The following DNAJB6 variants were observed in gnomAD, a reference collection of about 807,000 sequenced individuals.
DNAJB6 encodes DnaJ heat shock protein family (Hsp40) member B6, also known as dnaJ homolog subfamily B member 6.
In DNAJB6, 16 loss-of-function variants were observed where a neutral mutation model predicts 42.7. That is an observed-to-expected ratio of 0.37 (90% CI 0.25 to 0.57). The LOEUF is 0.57. Ranked by LOEUF, DNAJB6 falls within the 20% of genes least tolerant of loss-of-function variation. The probability of loss-of-function intolerance (pLI) is 0.74; values close to 1 mark genes in which losing one functional copy is unlikely to be tolerated. For missense variants in DNAJB6, 347 were observed against 416.8 expected (o/e 0.83, Z 1.46); for synonymous variants, 170 against 163.5 (o/e 1.04, Z -0.30).
intron 8 of DNAJB6, among the ~76,000 whole-genome samples, chr7:157,401,014 AC>A (rs1466837550): frequency 1.3e-5 from 2 of 152,036 alleles, no homozygotes; most frequent in Non-Finnish European, 2.9e-5. Flanking sequence ...AGAGGGACTT[AC>A]CCGCTGTGGT....
chr7:157,369,964 G>GA (rs200554376), intron 5 of DNAJB6, among the ~76,000 whole-genome samples: 2 of 145,840 alleles, frequency 1.4e-5, no homozygotes, highest in African/African-American at 5.3e-5. Flanking sequence ...TATTAAACGG[G>GA]CCCTTTCTTA....
intron 8 of DNAJB6, among the ~76,000 whole-genome samples, chr7:157,401,042 C>T (rs1801835583): frequency 6.6e-6 from 1 of 152,060 alleles, no homozygotes; most frequent in South Asian, 2.1e-4. Context: ...TTTGCCGAAG[C>T]CCCGGGTTTT....
intron 3 of DNAJB6, among the ~76,000 whole-genome samples, chr7:157,365,626 G>A (rs866248332): frequency 1.5e-4 from 23 of 152,142 alleles, no homozygotes; most frequent in Non-Finnish European, 2.5e-4. Flanking sequence ...TGGGCTCTGT[G>A]CAGTAGAGTG....
intron 1 of DNAJB6, 69 bp downstream of exon 1, chr7:157,337,213 C>T (rs1019048184): frequency 3.3e-5 from 5 of 152,402 alleles, no homozygotes; most frequent in African/African-American, 1.2e-4. Context: ...GACGGCGGAC[C>T]TCACCCGGCG....
At position 157,387,742 on chromosome 7, in the gene DNAJB6, T is replaced by C. The variant is rs557834939; in HGVS notation, c.691+2131T>C. On this transcript the variant is annotated intron_variant, in intron 8 of 9. Coordinates refer to ENST00000262177, the MANE Select transcript of DNAJB6 (RefSeq NM_058246.4). ...AGTTTACTCAACATGGTGTTACAGG[T>C]AAAATATGTTTGACTCCTAAGGAAT... Among the ~76,000 whole-genome samples the C allele has an allele frequency of 2.0e-5, 3 of 152,352 alleles. No homozygotes were observed. In the South Asian group the frequency reaches 6.2e-4, roughly 32 times the overall value.
At chr7:157,360,432 C>A (rs1214141256) in intron 2 of DNAJB6, among the ~76,000 whole-genome samples, 1 of 152,152 alleles carries the variant, frequency 6.6e-6, no homozygotes, top group East Asian at 1.9e-4. Context: ...ATAGCCAGCC[C>A]TTATCAATGG....
chr7:157,344,291 A>G (rs1798569796), intron 1 of DNAJB6, among the ~76,000 whole-genome samples: 1 of 152,090 alleles, frequency 6.6e-6, no homozygotes, highest in Non-Finnish European at 1.5e-5. Context: ...CAGTGAGCCG[A>G]GATCCCTCTA....
intron 8 of DNAJB6, among the ~76,000 whole-genome samples, chr7:157,400,149 GTTTC>G (rs1402679007): frequency 3.9e-5 from 6 of 152,200 alleles, no homozygotes; most frequent in Non-Finnish European, 8.8e-5. Flanking sequence ...CCTTTTTTCG[GTTTC>G]TTTGTGAGCT....
At chr7:157,404,659 C>T (rs6974402) in intron 8 of DNAJB6, among the ~76,000 whole-genome samples, 96,449 of 151,726 alleles carry the variant, frequency 0.64, 33,314 homozygotes, top group East Asian at 0.99. Flanking sequence ...TACAGGCACA[C>T]GCCACCACAC....
intron 1 of DNAJB6, among the ~76,000 whole-genome samples, chr7:157,344,253 A>G (rs1307966395): frequency 1.3e-5 from 2 of 152,116 alleles, no homozygotes; most frequent in Non-Finnish European, 1.5e-5. Context: ...AGGCAGGAGA[A>G]TGGCGTGAAC....
intron 8 of DNAJB6, among the ~76,000 whole-genome samples, chr7:157,392,099 C>CA (rs57861175): frequency 0.042 from 4,659 of 112,188 alleles, 141 homozygotes; most frequent in Middle Eastern, 0.082. Flanking sequence ...GACCCTGTCT[C>CA]AAAAAAAAAA....
intron 8 of DNAJB6, among the ~76,000 whole-genome samples, chr7:157,403,422 C>T (rs1009762748): frequency 4.6e-5 from 7 of 152,210 alleles, no homozygotes; most frequent in Non-Finnish European, 1.0e-4. Flanking sequence ...TTGAGCCCCA[C>T]GGGGAATTTC....
intron 5 of DNAJB6, chr7:157,368,944 T>C (rs1232585791): frequency 4.1e-6 from 1 of 246,736 alleles, no homozygotes; most frequent in Non-Finnish European, 8.1e-6. Context: ...TCATATCTGG[T>C]AGGTCTTGGG....
chr7:157,383,084 C>T (rs777724734), intron 6 of DNAJB6, among the ~76,000 whole-genome samples: 30 of 152,178 alleles, frequency 2.0e-4, no homozygotes, highest in Non-Finnish European at 3.4e-4. Context: ...CAGCTCACTG[C>T]AGCCTCCCGC....
At chr7:157,394,277 A>G (rs1801482977) in intron 8 of DNAJB6, among the ~76,000 whole-genome samples, 1 of 152,236 alleles carries the variant, frequency 6.6e-6, no homozygotes, top group East Asian at 1.9e-4. Context: ...GGGTTAAGAA[A>G]CAGCAGATGT....
intron 3 of DNAJB6, among the ~76,000 whole-genome samples, chr7:157,364,151 G>A (rs1799737277): frequency 1.3e-5 from 2 of 151,702 alleles, no homozygotes; most frequent in Admixed American, 6.6e-5. Flanking sequence ...GTTGCAGTGA[G>A]CCGAGATTGC....
chr7:157,338,308 C>T (rs1160303110), intron 1 of DNAJB6, among the ~76,000 whole-genome samples: 1 of 151,848 alleles, frequency 6.6e-6, no homozygotes, highest in African/African-American at 2.4e-5. Flanking sequence ...ACCCGTCCCG[C>T]GTTCTCTCTG....
intron 3 of DNAJB6, among the ~76,000 whole-genome samples, chr7:157,363,763 C>T (rs553790988): frequency 1.3e-5 from 2 of 152,300 alleles, no homozygotes; most frequent in African/African-American, 4.8e-5. Context: ...CTGTTTTCCC[C>T]TCCTAGGTCT....
intron 8 of DNAJB6, among the ~76,000 whole-genome samples, chr7:157,393,640 G>T (rs1040078836): frequency 6.6e-6 from 1 of 152,156 alleles, no homozygotes; most frequent in Non-Finnish European, 1.5e-5. Context: ...GAAGTCATTT[G>T]TTTCGTGCAC....
Sources: allele counts gnomAD v4.1 joint callset (sites outside exome capture counted in the v4.1 genomes callset), GRCh38; gene constraint gnomAD v4.1.1; transcripts MANE v1.5; gene names NCBI Gene and HGNC (gene_info 2026-07-23, HGNC 2026-07-21).